CDK14: variants seen among roughly 807,000 people sequenced by gnomAD.
The protein encoded by CDK14 is cyclin dependent kinase 14.
Under a neutral mutation model 60.7 loss-of-function variants are expected in CDK14, and 34 were observed. That is an observed-to-expected ratio of 0.56 (90% CI 0.43 to 0.75). The LOEUF is 0.75. CDK14 is among the 30% of genes least tolerant of loss of function. CDK14 has a pLI of 0.00. For synonymous variants in CDK14, 197 were observed against 203.7 expected (o/e 0.97, Z 0.28); for missense variants, 482 against 564.1 (o/e 0.85, Z 1.47).
intron 10 of CDK14, among the ~76,000 whole-genome samples, chr7:91,032,682 C>G (rs776222250): frequency 2.0e-5 from 3 of 152,216 alleles, no homozygotes; most frequent in Non-Finnish European, 2.9e-5. Flanking sequence ...CTAAACCCCC[C>G]AGAGGGGACA....
intron 5 of CDK14, among the ~76,000 whole-genome samples, chr7:90,814,986 T>A (rs1466712649): frequency 3.9e-5 from 6 of 152,252 alleles, no homozygotes; most frequent in African/African-American, 1.4e-4. Flanking sequence ...TGCTGCCTCT[T>A]CCCTGAAATC....
In CDK14 at chr7:90,596,342, G is replaced by C. The variant is rs1371748630; in HGVS notation, c.-286G>C. Reference sequence around the variant, plus strand: ...CGTTACAAAGGAGGGAAAATGAGCCGGGCGGCGGCGGCGCGGCGCGGGGCC... The same window carrying C: ...CGTTACAAAGGAGGGAAAATGAGCCCGGCGGCGGCGGCGCGGCGCGGGGCC... On this transcript the variant is annotated 5_prime_UTR_variant, in exon 1 of 15. Coordinates refer to ENST00000380050, the MANE Select transcript of CDK14 (RefSeq NM_001287135.2). Among the ~76,000 whole-genome samples the C allele has an allele frequency of 6.7e-6, 1 of 150,158 alleles. No individual in the cohort carries two copies. The highest frequency in any genetic ancestry group is 1.5e-5 in the Non-Finnish European group (1 of 67,398).
intron 7 of CDK14, among the ~76,000 whole-genome samples, chr7:90,900,737 A>G (rs1484166003): frequency 3.3e-5 from 5 of 152,172 alleles, no homozygotes; most frequent in African/African-American, 1.2e-4. Context: ...GCTAACTTTG[A>G]CTTCCTGACT....
chr7:91,133,257 G>A (rs1206953616), intron 14 of CDK14, among the ~76,000 whole-genome samples: 1 of 152,042 alleles, frequency 6.6e-6, no homozygotes, highest in African/African-American at 2.4e-5. Flanking sequence ...CCCTGTAAGG[G>A]TTAACTGTAG....
At chr7:90,658,093 G>C (rs1395147150) in intron 2 of CDK14, among the ~76,000 whole-genome samples, 2 of 152,100 alleles carry the variant, frequency 1.3e-5, no homozygotes, top group Non-Finnish European at 2.9e-5. Context: ...GTGCCTGCTA[G>C]CAGTCACTGC....
chr7:90,978,936 A>G (rs1340291692), intron 9 of CDK14, among the ~76,000 whole-genome samples: 1 of 152,192 alleles, frequency 6.6e-6, no homozygotes, highest in African/African-American at 2.4e-5. Context: ...ATAACTGATT[A>G]GTATGACTTT....
intron 4 of CDK14, among the ~76,000 whole-genome samples, chr7:90,770,051 T>C (rs903951217): frequency 2.6e-5 from 4 of 152,248 alleles, no homozygotes; most frequent in South Asian, 2.1e-4. Context: ...GGTTTAACAT[T>C]ACTGAATCGC....
chr7:90,673,707 T>C (rs908527520), intron 2 of CDK14, among the ~76,000 whole-genome samples: 4 of 152,210 alleles, frequency 2.6e-5, no homozygotes, highest in African/African-American at 7.2e-5. Context: ...TATAAGTGAA[T>C]AATCACAAAC....
intron 2 of CDK14, among the ~76,000 whole-genome samples, chr7:90,660,213 C>T (rs1800840924): frequency 6.6e-6 from 1 of 152,128 alleles, no homozygotes; most frequent in Admixed American, 6.6e-5. Context: ...ATTGGAGCAT[C>T]ACACCCCCTG....
intron 2 of CDK14, among the ~76,000 whole-genome samples, chr7:90,664,044 C>T (rs1382125639): frequency 6.6e-6 from 1 of 152,096 alleles, no homozygotes; most frequent in Non-Finnish European, 1.5e-5. Context: ...ACCTACTCAT[C>T]TGACAAAGGG....
chr7:90,862,769 C>G (rs538040908), intron 5 of CDK14, among the ~76,000 whole-genome samples: 15 of 152,236 alleles, frequency 9.9e-5, no homozygotes, highest in Middle Eastern at 3.4e-3. Context: ...ATAAACTATA[C>G]AAATTTAAAG....
chr7:90,849,139 T>C (rs904590135), intron 5 of CDK14, among the ~76,000 whole-genome samples: 2 of 152,138 alleles, frequency 1.3e-5, no homozygotes, highest in African/African-American at 2.4e-5. Flanking sequence ...GGATCCCTCA[T>C]GAATGGCTTG....
At chr7:90,794,203 C>A (rs779050719) in intron 5 of CDK14, among the ~76,000 whole-genome samples, 1 of 152,004 alleles carries the variant, frequency 6.6e-6, no homozygotes, top group Non-Finnish European at 1.5e-5. Flanking sequence ...ACATGCTTCA[C>A]AAGGTAATAA....
In CDK14 at chr7:90,765,220, A is replaced by G. The variant is rs751052911; in HGVS notation, c.464+17445A>G. On this transcript the variant is annotated intron_variant, in intron 4 of 14. Transcript: ENST00000380050. ...ATTCCTAATGAGAAAGCAATGGTCT[A>G]GGTTAAACAGTGACTTTTTTATTAA... Among the ~76,000 whole-genome samples the G allele has an allele frequency of 1.6e-4, 24 of 152,362 alleles. No individual in the cohort carries two copies. In the Middle Eastern group the frequency reaches 0.014, roughly 86 times the overall value.
rs552209363 is a variant in CDK14, at chr7:91,013,785, G to C, written c.1041+29544G>C. Among the ~76,000 whole-genome samples, 4 of 150,060 alleles carry C rather than the reference G, an allele frequency of 2.7e-5. No individual in the cohort carries two copies. The East Asian group carries it at 5.9e-4, about 22-fold the overall frequency. ...TGATAATCACAAGCTTTATATAACA[G>C]AATTAATTGAGGGAACATGTAATGA... is the stretch of plus-strand genomic sequence containing the variant. On this transcript the variant is annotated intron_variant, in intron 10 of 14. Coordinates refer to ENST00000380050, the MANE Select transcript of CDK14 (RefSeq NM_001287135.2).
Position 90,769,470 on chromosome 7 carries a change from C to CTTTTTTT in CDK14, c.465-21100_465-21099insTTTTTTT, listed in dbSNP as rs10647062. 2.8e-5 allele frequency among the ~76,000 whole-genome samples: 4 copies of CTTTTTTT among 144,178 alleles called. 1 individual carries two copies. Among genetic ancestry groups the CTTTTTTT allele is most frequent in the Non-Finnish European group, 1.5e-5 (1 of 66,242 alleles). The allele number at this position is 144,178 out of a possible 152,430, so 94.6% of individuals were successfully genotyped here. ...GACTTCTGTGATTTCTTTCTCTTTT[C>CTTTTTTT]TTTCTTTTTTTTTTTGACTGAGCCC... On this transcript the variant is annotated intron_variant, in intron 4 of 14. Coordinates refer to ENST00000380050, the MANE Select transcript of CDK14 (RefSeq NM_001287135.2).
intron 5 of CDK14, among the ~76,000 whole-genome samples, chr7:90,842,793 G>T (rs775295045): frequency 2.6e-5 from 4 of 152,156 alleles, no homozygotes; most frequent in Non-Finnish European, 5.9e-5. Context: ...CATTGCAAAA[G>T]TTGGTACCTG....
chr7:91,179,844 G>A (rs1027289658), intron 14 of CDK14, among the ~76,000 whole-genome samples: 8 of 151,684 alleles, frequency 5.3e-5, no homozygotes, highest in Non-Finnish European at 8.8e-5. Flanking sequence ...AATTATTTTC[G>A]AATTTGTACT....
intron 2 of CDK14, among the ~76,000 whole-genome samples, chr7:90,637,721 T>G (rs1184842094): frequency 7.1e-6 from 1 of 140,892 alleles, no homozygotes; most frequent in Admixed American, 7.3e-5. Flanking sequence ...ATCTGTCTAA[T>G]GTTGACAGTG....
Sources: allele counts gnomAD v4.1 joint callset (sites outside exome capture counted in the v4.1 genomes callset), GRCh38; gene constraint gnomAD v4.1.1; transcripts MANE v1.5; gene names NCBI Gene and HGNC (gene_info 2026-07-23, HGNC 2026-07-21).